SYT1: variants seen among roughly 807,000 people sequenced by gnomAD.
SYT1 encodes synaptotagmin-1.
A neutral mutation model predicts 44.8 loss-of-function variants in SYT1; 8 were observed. The observed-to-expected ratio is 0.18, with a 90% CI of 0.10 to 0.32. The LOEUF is 0.32. Ranked by LOEUF, SYT1 falls within the 10% of genes least tolerant of loss-of-function variation. The pLI is 1.00. For synonymous variants in SYT1, 154 were observed against 188.8 expected, an observed-to-expected ratio of 0.82 and a Z score of 1.51; for missense variants, 286 against 509.3, an observed-to-expected ratio of 0.56 and a Z score of 4.22.
intron 3 of SYT1, among the ~76,000 whole-genome samples, chr12:79,187,113 C>A (rs536354093): frequency 6.6e-6 from 1 of 152,114 alleles, no homozygotes; most frequent in African/African-American, 2.4e-5. Context: ...TTCTTCTACA[C>A]CCCCTTACAG....
At chr12:78,928,834 T>C (rs1015290707) in intron 1 of SYT1, among the ~76,000 whole-genome samples, 7 of 152,130 alleles carry the variant, frequency 4.6e-5, no homozygotes, top group Non-Finnish European at 7.4e-5. Flanking sequence ...TTATTTAATA[T>C]TTTCAAACTG....
intron 8 of SYT1, among the ~76,000 whole-genome samples, chr12:79,344,891 G>A (rs991115516): frequency 5.3e-5 from 8 of 152,042 alleles, no homozygotes; most frequent in African/African-American, 1.9e-4. Context: ...TATAAATTAT[G>A]GACATCATGA....
chr12:78,892,245 T>C (rs1324355620), intron 1 of SYT1, among the ~76,000 whole-genome samples: 1 of 151,788 alleles, frequency 6.6e-6, no homozygotes, highest in Non-Finnish European at 1.5e-5. Flanking sequence ...AACATCATCT[T>C]ATCACGTTTT....
chr12:79,129,149 T>A (rs940318421), intron 3 of SYT1, among the ~76,000 whole-genome samples: 7 of 152,220 alleles, frequency 4.6e-5, no homozygotes, highest in Admixed American at 6.5e-5. Flanking sequence ...AATGCGTGGT[T>A]AACCAAAGGA....
chr12:79,398,370 T>C (rs1884950306), intron 9 of SYT1, among the ~76,000 whole-genome samples: 2 of 152,226 alleles, frequency 1.3e-5, no homozygotes, highest in Non-Finnish European at 2.9e-5. Flanking sequence ...TGAATTATTA[T>C]GTTTAATTCT....
intron 4 of SYT1, among the ~76,000 whole-genome samples, chr12:79,257,638 C>G: frequency 6.6e-6 from 1 of 152,296 alleles, no homozygotes. Flanking sequence ...CAGGCACCCG[C>G]CACAACCCCC....
chr12:79,290,888 G>A (rs1879549178), intron 5 of SYT1, among the ~76,000 whole-genome samples: 1 of 152,054 alleles, frequency 6.6e-6, no homozygotes, highest in Non-Finnish European at 1.5e-5. Flanking sequence ...AATGGTTAAT[G>A]TAAAAGTTTG....
rs190380791 is a variant in SYT1 at position 79,317,439 on chromosome 12, C to T, written c.810+17888C>T. On this transcript the variant is annotated intron_variant, in intron 8 of 10. Coordinates refer to ENST00000261205, the MANE Select transcript of SYT1 (RefSeq NM_005639.3). The stretch of plus-strand genomic sequence containing the variant: ...ATATGCAATTATTTTCCCCCTGGGA[C>T]GGGCCACAGCAAGATTGTGAACAAG... Among the ~76,000 whole-genome samples the T allele has an allele frequency of 1.3e-3, 192 of 152,282 alleles. 1 individual carries two copies. Among genetic ancestry groups the T allele is most frequent in the African/African-American group, 4.4e-3 (184 of 41,548 alleles).
rs191988147 is a variant in SYT1, at chr12:79,174,837, G to A, written c.-17-42666G>A. ...CCTATTGGAGCTTGCTGCTAACAACGTGGGAGTTTTTAGAGACAGATACAA... is the reference window on the plus strand; with the variant it reads ...CCTATTGGAGCTTGCTGCTAACAACATGGGAGTTTTTAGAGACAGATACAA... On this transcript the variant is annotated intron_variant, in intron 3 of 10. Coordinates refer to ENST00000261205, the MANE Select transcript of SYT1 (RefSeq NM_005639.3). Among the ~76,000 whole-genome samples the A allele has an allele frequency of 4.3e-3, 647 of 152,140 alleles. 2 individuals carry two copies. The highest frequency in any genetic ancestry group is 0.01 in the Middle Eastern group (3 of 294).
At chr12:79,125,041 G>A (rs1050584723) in intron 3 of SYT1, among the ~76,000 whole-genome samples, 2 of 151,964 alleles carry the variant, frequency 1.3e-5, no homozygotes, top group Non-Finnish European at 2.9e-5. Context: ...GTTTGGTTTG[G>A]TTTGATTTGG....
At chr12:79,349,871 G>C (rs1052241824) in intron 8 of SYT1, among the ~76,000 whole-genome samples, 1 of 152,126 alleles carries the variant, frequency 6.6e-6, no homozygotes, top group African/African-American at 2.4e-5. Context: ...ATTAGAGTTT[G>C]ATGTAAAACT....
chr12:79,280,845 G>A (rs1879010184), intron 4 of SYT1, among the ~76,000 whole-genome samples: 1 of 151,722 alleles, frequency 6.6e-6, no homozygotes, highest in Non-Finnish European at 1.5e-5. Flanking sequence ...AATATGTGAA[G>A]AGAGATTTTT....
rs568549009 is a variant in SYT1 at position 79,118,631 on chromosome 12, T to C, written c.-18+71269T>C. On this transcript the variant is annotated intron_variant, in intron 3 of 10. Coordinates refer to ENST00000261205, the MANE Select transcript of SYT1 (RefSeq NM_005639.3). ...CATTTAGTGAATGTCAGTGTTGATC[T>C]AGTCAATCATTGTACATGTGTTAGC... 4.6e-5 allele frequency among the ~76,000 whole-genome samples: 7 copies of C among 152,338 alleles called. No homozygotes were observed. The South Asian group carries it at 1.2e-3, about 27-fold the overall frequency.
chr12:78,886,850 T>C (rs1874778811), intron 1 of SYT1, among the ~76,000 whole-genome samples: 1 of 152,010 alleles, frequency 6.6e-6, no homozygotes. Context: ...TGATACAAGC[T>C]ATATGGGGTT....
At chr12:78,942,322 T>C (rs1878421333) in intron 1 of SYT1, among the ~76,000 whole-genome samples, 1 of 152,142 alleles carries the variant, frequency 6.6e-6, no homozygotes, top group Non-Finnish European at 1.5e-5. Context: ...TCAAGATTGG[T>C]TCTTAACCTT....
chr12:79,419,364 A>G, intron 9 of SYT1: 1 of 462,734 alleles, frequency 2.2e-6, no homozygotes, highest in Non-Finnish European at 4.6e-6. Context: ...CTTCCACTGC[A>G]CCCTTTCTCC....
chr12:79,210,179 T>G (rs956887975), intron 3 of SYT1, among the ~76,000 whole-genome samples: 2 of 152,150 alleles, frequency 1.3e-5, no homozygotes, highest in Admixed American at 1.3e-4. Context: ...CAGAGGGAAG[T>G]TGTCATAGCA....
chr12:78,962,633 A>G (rs1879571993), intron 1 of SYT1, among the ~76,000 whole-genome samples: 2 of 152,028 alleles, frequency 1.3e-5, no homozygotes, highest in African/African-American at 4.8e-5. Context: ...CGTAATCTCT[A>G]TAGGATATTC....
intron 4 of SYT1, among the ~76,000 whole-genome samples, chr12:79,241,946 G>A (rs1312436568): frequency 6.6e-6 from 1 of 152,216 alleles, no homozygotes; most frequent in Non-Finnish European, 1.5e-5. Flanking sequence ...AATGGAGGCA[G>A]AGATTAGAGT....
Sources: gnomAD v4.1 joint callset for allele counts (sites outside exome capture counted in the v4.1 genomes callset) on GRCh38, gnomAD v4.1.1 for gene constraint, MANE v1.5 for transcripts, NCBI Gene and HGNC (gene_info 2026-07-23, HGNC 2026-07-21) for gene names.